The following NCOA1 variants were observed in gnomAD, a reference collection of about 807,000 sequenced individuals.
The protein encoded by NCOA1 is nuclear receptor coactivator 1.
NCOA1 carries 35 observed loss-of-function variants against 150.9 expected under a neutral mutation model. The ratio of observed to expected loss-of-function variants is 0.23; its 90% CI spans 0.18 to 0.31. The LOEUF (loss-of-function observed/expected upper bound fraction) is 0.31, where lower values mean the gene tolerates loss of function less well. Ranked by LOEUF, NCOA1 falls within the 10% of genes least tolerant of loss-of-function variation. The pLI, the probability that NCOA1 is intolerant of heterozygous loss-of-function variation, is 1.00. For missense variants in NCOA1, 1,491 were observed against 1,749.3 expected, an observed-to-expected ratio of 0.85 and a Z score of 2.63; for synonymous variants, 590 against 630.0, an observed-to-expected ratio of 0.94 and a Z score of 0.95.
chr2:24,569,552 A>ATTTTTTTTTTTTTTTTTT (rs200639064), intron 2 of NCOA1, among the ~76,000 whole-genome samples: 1 of 93,794 alleles, frequency 1.1e-5, no homozygotes, highest in African/African-American at 4.0e-5. Context: ...GGTTTTATTA[A>ATTTTTTTTTTTTTTTTTT]TTTTTTTTTT....
rs139399186 is a variant in NCOA1 at position 24,735,406 on chromosome 2, A to G, written c.3202-4026A>G. ...ATACAGGAGACTGTAAGCATCTCAT[A>G]GCAAGAATTTAGCACCATGCCTAGT... On this transcript the variant is annotated intron_variant, in intron 17 of 22. Coordinates refer to ENST00000348332, the MANE Select transcript of NCOA1 (RefSeq NM_003743.5). Among the ~76,000 whole-genome samples, 224 of 152,348 alleles carry G rather than the reference A, an allele frequency of 1.5e-3. 1 individual carries two copies. The highest frequency in any genetic ancestry group is 5.2e-3 in the African/African-American group (216 of 41,588).
chr2:24,715,469 T>TA (rs1224726682), intron 14 of NCOA1, among the ~76,000 whole-genome samples: 1 of 152,020 alleles, frequency 6.6e-6, no homozygotes, highest in Non-Finnish European at 1.5e-5. Flanking sequence ...AACAGAAAAA[T>TA]ATTCTATAAG....
At chr2:24,585,242 C>G (rs898378320) in intron 3 of NCOA1, among the ~76,000 whole-genome samples, 5 of 152,116 alleles carry the variant, frequency 3.3e-5, no homozygotes, top group African/African-American at 9.7e-5. Flanking sequence ...TCTCTATCCA[C>G]TTATCCATTG....
At chr2:24,729,388 C>G in intron 16 of NCOA1, 113 bp from the exon 17 acceptor site, 1 of 1,045,962 alleles carries the variant, frequency 9.6e-7, no homozygotes, top group Non-Finnish European at 1.4e-6. Flanking sequence ...TAGTAAACTT[C>G]TGGAGAGCAT....
At position 24,707,366 on chromosome 2, in the gene NCOA1, A is replaced by G; in HGVS notation, c.1896A>G (p.Lys632=). 1 of 1,614,218 alleles carries G rather than the reference A, an allele frequency of 6.2e-7. No homozygotes were observed. Among genetic ancestry groups the G allele is most frequent in the Non-Finnish European group, 8.5e-7 (1 of 1,180,046 alleles). Residue 632 remains lysine (K), a synonymous_variant, in exon 13 of 23, where the codon AAA becomes AAG. Transcript: ENST00000348332. ...GDSKYSQTSH[K]LVQLLTTTAE... ...GTAAATACTCTCAAACCAGTCACAA[A>G]CTAGTGCAGCTTTTGACAACAACTG...
chr2:24,702,550 G>GTTTC lies in NCOA1; in HGVS notation c.950-2532_950-2529dup, dbSNP rs139964044. Among the ~76,000 whole-genome samples the GTTTC allele has an allele frequency of 4.5e-3, 687 of 152,074 alleles. 7 individuals are homozygous for GTTTC. The highest frequency in any genetic ancestry group is 0.016 in the African/African-American group (657 of 41,464). ...CTGCTGTAACCAGGGAAAATTTAAT[G>GTTTC]TTTCTTTTGCTTTGTAGCTCTGTTG... On this transcript the variant is annotated intron_variant, in intron 11 of 22. Transcript: ENST00000348332.
At chr2:24,598,059 G>A (rs1014239985) in intron 3 of NCOA1, among the ~76,000 whole-genome samples, 1 of 152,140 alleles carries the variant, frequency 6.6e-6, no homozygotes, top group Non-Finnish European at 1.5e-5. Context: ...ATAGTTTGCT[G>A]AGAATGATGG....
chr2:24,596,319 G>A (rs1020301461), intron 3 of NCOA1, among the ~76,000 whole-genome samples: 9 of 151,944 alleles, frequency 5.9e-5, no homozygotes, highest in Non-Finnish European at 1.2e-4. Context: ...TAATAATATC[G>A]GTTTGGTTAA....
At position 24,631,769 on chromosome 2, in the gene NCOA1, A is replaced by G. The variant is rs186883739; in HGVS notation, c.-174-12197A>G. On this transcript the variant is annotated intron_variant, in intron 3 of 22. Transcript: ENST00000348332. ...TACAGAGGGACGTTCTCTTGGTTGA[A>G]AGCTGGTTCTTTTTCACAAACCTTT... Among the ~76,000 whole-genome samples, 635 of 152,286 alleles carry G rather than the reference A, an allele frequency of 4.2e-3. 5 individuals are homozygous for G. Among genetic ancestry groups the G allele is most frequent in the Middle Eastern group, 0.01 (3 of 294 alleles).
At chr2:24,560,912 AGTT>A (rs779455580) in intron 1 of NCOA1, among the ~76,000 whole-genome samples, 16 of 152,292 alleles carry the variant, frequency 1.1e-4, no homozygotes, top group East Asian at 7.7e-4. Context: ...TGGTTTGTGT[AGTT>A]GTTGTTGCTT....
chr2:24,765,936 C>T (rs1306174914), intron 22 of NCOA1, among the ~76,000 whole-genome samples: 1 of 126,220 alleles, frequency 7.9e-6, no homozygotes, highest in Admixed American at 9.3e-5. Flanking sequence ...CTTGCTTTGT[C>T]GTTGCCCACG....
chr2:24,585,047 C>A (rs942399882), intron 3 of NCOA1, among the ~76,000 whole-genome samples: 1 of 152,074 alleles, frequency 6.6e-6, no homozygotes, highest in Admixed American at 6.6e-5. Flanking sequence ...TTTTAAGGTT[C>A]TTTCTTCTTA....
At chr2:24,733,072 A>T (rs1030632773) in intron 17 of NCOA1, among the ~76,000 whole-genome samples, 2 of 152,164 alleles carry the variant, frequency 1.3e-5, no homozygotes, top group African/African-American at 4.8e-5. Context: ...GTGATTTGGG[A>T]TGGTCAGCTG....
intron 3 of NCOA1, among the ~76,000 whole-genome samples, chr2:24,593,025 G>T (rs1363639921): frequency 6.6e-6 from 1 of 152,038 alleles, no homozygotes; most frequent in East Asian, 1.9e-4. Flanking sequence ...ATGAAGTCGT[G>T]AAGTTGTAGC....
chr2:24,500,929 G>T (rs1300008515), intron 1 of NCOA1, among the ~76,000 whole-genome samples: 1 of 152,190 alleles, frequency 6.6e-6, no homozygotes, highest in Admixed American at 6.5e-5. Flanking sequence ...GAATTTAATT[G>T]TTGAAAATTA....
At chr2:24,598,160 T>A (rs1667959157) in intron 3 of NCOA1, among the ~76,000 whole-genome samples, 1 of 152,212 alleles carries the variant, frequency 6.6e-6, no homozygotes, top group Non-Finnish European at 1.5e-5. Context: ...ATCTAAAGAA[T>A]ACCTTCTCCC....
chr2:24,524,853 A>G (rs182156114), intron 1 of NCOA1, among the ~76,000 whole-genome samples: 53 of 152,100 alleles, frequency 3.5e-4, no homozygotes, highest in African/African-American at 1.2e-3. Context: ...CAGGTGATCC[A>G]CCTGCCTTGG....
intron 1 of NCOA1, among the ~76,000 whole-genome samples, chr2:24,553,339 C>T (rs1408403047): frequency 6.6e-6 from 1 of 151,950 alleles, no homozygotes; most frequent in Non-Finnish European, 1.5e-5. Flanking sequence ...CTGCCTCAGC[C>T]TCCCGAGTAG....
At chr2:24,554,122 G>A (rs1229305291) in intron 1 of NCOA1, among the ~76,000 whole-genome samples, 1 of 151,956 alleles carries the variant, frequency 6.6e-6, no homozygotes, top group Non-Finnish European at 1.5e-5. Flanking sequence ...AATTTATTTA[G>A]TTTCATTGAA....
Sources: gnomAD v4.1 joint callset for allele counts (sites outside exome capture counted in the v4.1 genomes callset) on GRCh38, gnomAD v4.1.1 for gene constraint, MANE v1.5 for transcripts, NCBI Gene and HGNC (gene_info 2026-07-23, HGNC 2026-07-21) for gene names.